The following IPO7 variants were observed in gnomAD, a reference collection of about 807,000 sequenced individuals.
The protein encoded by IPO7 is importin 7.
Under a neutral mutation model 136.4 loss-of-function variants are expected in IPO7, and 13 were observed. That is an observed-to-expected ratio of 0.10 (90% confidence interval 0.06 to 0.15). The LOEUF (loss-of-function observed/expected upper bound fraction) is 0.15. Ranked by LOEUF, IPO7 falls within the 10% of genes least tolerant of loss-of-function variation. The pLI is 1.00. For synonymous variants in IPO7, 403 were observed against 404.4 expected (o/e 1.00, Z 0.04); for missense variants, 857 against 1,240.6 (o/e 0.69, Z 4.65).
At chr11:9,428,475 CTGTT>C (rs1428061170) in intron 12 of IPO7, 61 bp from the exon 13 acceptor site, 3 of 685,660 alleles carry the variant, frequency 4.4e-6, no homozygotes, top group Admixed American at 5.0e-5. Flanking sequence ...AGTGTTATAT[CTGTT>C]TGGAAATTGA....
chr11:9,438,950 C>A (rs934044749), intron 22 of IPO7, among the ~76,000 whole-genome samples: 1 of 152,084 alleles, frequency 6.6e-6, no homozygotes, highest in Non-Finnish European at 1.5e-5. Flanking sequence ...AGAGTTGACA[C>A]GAAGTGCTGA....
chr11:9,398,603 T>C (rs182160649), intron 1 of IPO7, among the ~76,000 whole-genome samples: 2 of 152,362 alleles, frequency 1.3e-5, no homozygotes, highest in Admixed American at 6.5e-5. Flanking sequence ...ATTTTTTAAT[T>C]GATACATGAT....
chr11:9,392,728 C>T (rs1212153810), intron 1 of IPO7, among the ~76,000 whole-genome samples: 1 of 151,930 alleles, frequency 6.6e-6, no homozygotes, highest in Non-Finnish European at 1.5e-5. Context: ...GTGGGTGGAT[C>T]ATCTGAGGTC....
intron 1 of IPO7, among the ~76,000 whole-genome samples, chr11:9,397,458 T>G (rs1314353750): frequency 6.7e-6 from 1 of 148,854 alleles, no homozygotes; most frequent in Non-Finnish European, 1.5e-5. Flanking sequence ...CTTGATCTCG[T>G]GACCTCAGGT....
At chr11:9,441,264 T>C (rs1343838555) in intron 23 of IPO7, among the ~76,000 whole-genome samples, 1 of 152,190 alleles carries the variant, frequency 6.6e-6, no homozygotes, top group Non-Finnish European at 1.5e-5. Context: ...CCAAGAAAAG[T>C]CCACTGTTCC....
intron 8 of IPO7, among the ~76,000 whole-genome samples, chr11:9,422,458 A>G (rs1377322747): frequency 2.6e-5 from 4 of 152,028 alleles, no homozygotes; most frequent in Non-Finnish European, 5.9e-5. Flanking sequence ...GCTTTAAACT[A>G]GTAGATCCTC....
chr11:9,404,539 T>G (rs1293845765), intron 2 of IPO7, among the ~76,000 whole-genome samples: 9 of 151,996 alleles, frequency 5.9e-5, no homozygotes. Flanking sequence ...ATTTCCCTTT[T>G]CTTTACATAG....
rs778529771 is a variant in IPO7 at position 9,437,801 on chromosome 11, G to A, written c.2316G>A (p.Glu772=). Residue 772 remains glutamate (E), a synonymous_variant, in exon 21 of 25, where the codon GAG becomes GAA. Coordinates refer to ENST00000379719, the MANE Select transcript of IPO7 (RefSeq NM_006391.3). ...CAGCCTTAGAAAGACTGACAAGAGA[G>A]GTTAAGACAAGTGAACTTCGAACTA... ...VEAALERLTR[E]VKTSELRTMC... 1 of 1,614,110 alleles carries A rather than the reference G, an allele frequency of 6.2e-7. No homozygotes were observed. Among genetic ancestry groups the A allele is most frequent in the African/African-American group, 1.3e-5 (1 of 75,044 alleles).
intron 16 of IPO7, among the ~76,000 whole-genome samples, chr11:9,431,700 A>G (rs1025216435): frequency 8.5e-5 from 13 of 152,162 alleles, no homozygotes; most frequent in African/African-American, 2.2e-4. Flanking sequence ...GCGGCCAGGC[A>G]TAGTGGCTCA....
chr11:9,425,462 C>G (rs997431502), intron 12 of IPO7, 200 bp downstream of exon 12: 1 of 518,304 alleles, frequency 1.9e-6, no homozygotes, highest in Non-Finnish European at 3.4e-6. Context: ...AAAAATAGGC[C>G]GGGTGTGGTG....
At chr11:9,442,685 TTACAGGCGTGAGCCACC>T (rs1855475350) in intron 24 of IPO7, among the ~76,000 whole-genome samples, 1 of 151,934 alleles carries the variant, frequency 6.6e-6, no homozygotes, top group South Asian at 2.1e-4. Flanking sequence ...ACTGCTGAGA[TTACAGGCGTGAGCCACC>T]ACACCCAGCC....
intron 12 of IPO7, among the ~76,000 whole-genome samples, chr11:9,426,844 A>C (rs1590445634): frequency 6.6e-6 from 1 of 151,986 alleles, no homozygotes; most frequent in Non-Finnish European, 1.5e-5. Flanking sequence ...TGCAGCCACC[A>C]GTCTCCCACA....
chr11:9,394,698 G>C (rs1009377034), intron 1 of IPO7, among the ~76,000 whole-genome samples: 3 of 152,086 alleles, frequency 2.0e-5, no homozygotes, highest in Non-Finnish European at 4.4e-5. Context: ...GTTCTAACTT[G>C]AAATTTTACT....
At chr11:9,414,787 G>A (rs1855018304) in intron 5 of IPO7, among the ~76,000 whole-genome samples, 1 of 151,206 alleles carries the variant, frequency 6.6e-6, no homozygotes, top group Admixed American at 6.6e-5. Flanking sequence ...CACCACACCT[G>A]GCTAATTTTT....
At chr11:9,386,016 C>T (rs898929896) in intron 1 of IPO7, among the ~76,000 whole-genome samples, 2 of 152,088 alleles carry the variant, frequency 1.3e-5, no homozygotes, top group Admixed American at 1.3e-4. Flanking sequence ...CTATTTTATG[C>T]GTCTTTTAGC....
intron 1 of IPO7, among the ~76,000 whole-genome samples, chr11:9,396,121 C>T (rs566749233): frequency 8.6e-5 from 13 of 151,958 alleles, no homozygotes; most frequent in African/African-American, 2.7e-4. Context: ...TTGGGCCGGG[C>T]GTGGTGGCTC....
intron 4 of IPO7, among the ~76,000 whole-genome samples, chr11:9,412,590 C>T (rs1432590910): frequency 3.9e-5 from 6 of 152,028 alleles, no homozygotes; most frequent in East Asian, 3.9e-4. Context: ...CTGAGGCAGG[C>T]GAATCACTTG....
At chr11:9,403,203 A>T (rs1248712617) in intron 1 of IPO7, 87 bp from the exon 2 acceptor site, 8 of 856,610 alleles carry the variant, frequency 9.3e-6, no homozygotes, top group Non-Finnish European at 1.6e-5. Context: ...CAAGCCAAGC[A>T]ATGGAAATGT....
At chr11:9,391,508 C>T (rs1197512733) in intron 1 of IPO7, among the ~76,000 whole-genome samples, 2 of 152,046 alleles carry the variant, frequency 1.3e-5, no homozygotes, top group Admixed American at 6.6e-5. Context: ...GAGATCGAGA[C>T]CATCCTGGCT....
Sources: allele counts gnomAD v4.1 joint callset (sites outside exome capture counted in the v4.1 genomes callset), GRCh38; gene constraint gnomAD v4.1.1; transcripts MANE v1.5; gene names NCBI Gene and HGNC (gene_info 2026-07-23, HGNC 2026-07-21).